THADA: variants seen among roughly 807,000 people sequenced by gnomAD.
The protein encoded by THADA is THADA armadillo repeat containing.
A neutral mutation model predicts 219.8 loss-of-function variants in THADA; 213 were observed. The ratio of observed to expected loss-of-function variants is 0.97; its 90% CI spans 0.87 to 1.09. The LOEUF (loss-of-function observed/expected upper bound fraction) is 1.09, where lower values mean the gene tolerates loss of function less well. Among genes scored for constraint, THADA ranks in the 50% least tolerant of loss-of-function variants. The probability of loss-of-function intolerance (pLI) is 0.00; values close to 1 mark genes in which losing one functional copy is unlikely to be tolerated. For missense variants in THADA, 2,956 were observed against 2,311.3 expected, an observed-to-expected ratio of 1.28 and a Z score of -5.72; for synonymous variants, 1,018 against 828.9, an observed-to-expected ratio of 1.23 and a Z score of -3.92.
chr2:43,231,516 G>T (rs1453376287), intron 37 of THADA, among the ~76,000 whole-genome samples, 173 bp from the exon 38 acceptor site: 2 of 152,146 alleles, frequency 1.3e-5, no homozygotes, highest in African/African-American at 4.8e-5. Context: ...AGCCTTGAAG[G>T]TCACCTTCTA....
At chr2:43,352,150 C>G (rs976336428) in intron 29 of THADA, among the ~76,000 whole-genome samples, 3 of 152,128 alleles carry the variant, frequency 2.0e-5, no homozygotes, top group Non-Finnish European at 2.9e-5. Flanking sequence ...TTAGGAAGAG[C>G]TGTTTATATT....
At chr2:43,236,321 G>C (rs1195675034) in intron 36 of THADA, among the ~76,000 whole-genome samples, 1 of 152,250 alleles carries the variant, frequency 6.6e-6, no homozygotes, top group Non-Finnish European at 1.5e-5. Context: ...GTTGGATTTA[G>C]ATCTCCTGCT....
intron 29 of THADA, among the ~76,000 whole-genome samples, chr2:43,396,244 A>C (rs927581580): frequency 2.0e-5 from 3 of 152,172 alleles, no homozygotes; most frequent in Admixed American, 6.5e-5. Context: ...CTCTCTTTGC[A>C]TGGGAGACTC....
At chr2:43,456,779 T>C (rs1456196479) in intron 26 of THADA, among the ~76,000 whole-genome samples, 1 of 152,064 alleles carries the variant, frequency 6.6e-6, no homozygotes, top group Non-Finnish European at 1.5e-5. Flanking sequence ...ACTTTAAAGA[T>C]GAGATGAAAG....
At chr2:43,589,858 C>T (rs947293975) in intron 4 of THADA, among the ~76,000 whole-genome samples, 3 of 150,382 alleles carry the variant, frequency 2.0e-5, no homozygotes, top group African/African-American at 4.9e-5. Flanking sequence ...AAAAAGAATT[C>T]ATAAAAAAAA....
At position 43,520,004 on chromosome 2, in the gene THADA, TA is replaced by T. The variant is rs560652119; in HGVS notation, c.3374+7874del. 2.0e-5 allele frequency among the ~76,000 whole-genome samples: 3 copies of T among 152,240 alleles called. No homozygotes were observed. In the East Asian group the frequency reaches 5.8e-4, roughly 29 times the overall value. On this transcript the variant is annotated intron_variant, in intron 22 of 37. Coordinates refer to ENST00000405975, the MANE Select transcript of THADA (RefSeq NM_022065.5). ...TTATGATAATGAAGGAATTGAGAGGTAAAAATGAAACCATGCAAGGTTCCCA... is the reference window on the plus strand; with the variant it reads ...TTATGATAATGAAGGAATTGAGAGGTAAAATGAAACCATGCAAGGTTCCCA...
At chr2:43,489,219 C>T (rs1364938123) in intron 25 of THADA, among the ~76,000 whole-genome samples, 1 of 152,022 alleles carries the variant, frequency 6.6e-6, no homozygotes, top group Admixed American at 6.6e-5. Flanking sequence ...CTTGCTCTGT[C>T]GCCCAGGATG....
intron 29 of THADA, among the ~76,000 whole-genome samples, chr2:43,373,761 A>G (rs1671064075): frequency 6.6e-6 from 1 of 152,196 alleles, no homozygotes; most frequent in South Asian, 2.1e-4. Flanking sequence ...TACAGGCATG[A>G]GCCAATGAGC....
At chr2:43,554,406 T>C (rs1384174394) in intron 17 of THADA, among the ~76,000 whole-genome samples, 1 of 152,130 alleles carries the variant, frequency 6.6e-6, no homozygotes, top group Non-Finnish European at 1.5e-5. Context: ...AATATTAGAT[T>C]TGGTAAAAAC....
At chr2:43,349,830 T>C (rs773172055) in intron 29 of THADA, among the ~76,000 whole-genome samples, 8 of 152,224 alleles carry the variant, frequency 5.3e-5, no homozygotes, top group Non-Finnish European at 8.8e-5. Context: ...AAGCAAATGC[T>C]ATGTTTTTCC....
intron 36 of THADA, among the ~76,000 whole-genome samples, chr2:43,275,052 T>G (rs1314104647): frequency 6.8e-6 from 1 of 147,368 alleles, no homozygotes; most frequent in East Asian, 2.0e-4. Flanking sequence ...TGGAGTGCAG[T>G]GGTGTGATCT....
chr2:43,335,685 G>A (rs933348982), intron 30 of THADA, among the ~76,000 whole-genome samples: 2 of 151,918 alleles, frequency 1.3e-5, no homozygotes, highest in African/African-American at 4.8e-5. Flanking sequence ...TGGGCTGAGT[G>A]TGGTGGCTCA....
At chr2:43,365,432 G>C (rs974164503) in intron 29 of THADA, among the ~76,000 whole-genome samples, 5 of 151,840 alleles carry the variant, frequency 3.3e-5, no homozygotes, top group South Asian at 4.1e-4. Flanking sequence ...TTAGCTGGGC[G>C]TGGTGGCAGG....
At chr2:43,377,828 G>A (rs903412251) in intron 29 of THADA, among the ~76,000 whole-genome samples, 10 of 152,104 alleles carry the variant, frequency 6.6e-5, no homozygotes, top group African/African-American at 2.4e-4. Flanking sequence ...GGGACTGCCA[G>A]GAAAAACTGT....
rs927263841 is a variant in THADA, at chr2:43,544,077, G to A, written c.3107-2761C>T. On this transcript the variant is annotated intron_variant, in intron 20 of 37. Transcript: ENST00000405975. ...GGTGTAAGGAAGGGATCCAGTTTCA[G>A]CTTTCTACATATGGCTAGCCTGTTT... is the stretch of plus-strand genomic sequence containing the variant. Among the ~76,000 whole-genome samples, 18 of 152,270 alleles carry A rather than the reference G, an allele frequency of 1.2e-4. No individual in the cohort carries two copies. The South Asian group carries it at 3.5e-3, about 30-fold the overall frequency.
At chr2:43,508,324 G>A (rs983580318) in intron 23 of THADA, among the ~76,000 whole-genome samples, 2 of 152,110 alleles carry the variant, frequency 1.3e-5, no homozygotes, top group East Asian at 1.9e-4. Context: ...AATACAGTGG[G>A]GTGGTGGGGT....
chr2:43,526,995 T>G (rs1299644105), intron 22 of THADA, among the ~76,000 whole-genome samples: 2 of 152,230 alleles, frequency 1.3e-5, no homozygotes, highest in Non-Finnish European at 2.9e-5. Flanking sequence ...ATCAGCAGTT[T>G]AATGTCAGGG....
At chr2:43,459,650 TA>T (rs1271440610) in intron 26 of THADA, among the ~76,000 whole-genome samples, 1 of 152,188 alleles carries the variant, frequency 6.6e-6, no homozygotes, top group Non-Finnish European at 1.5e-5. Context: ...TCTCAAAAAA[TA>T]TTTGTTGAAT....
rs1472871004 is a variant in THADA, at chr2:43,343,833, T to G, written c.4343+289A>C. On this transcript the variant is annotated intron_variant, in intron 30 of 37. Transcript: ENST00000405975. Reference sequence around the variant, plus strand: ...ATTACTGCCTTTCATTGTTATAATATCTAACACAGGACTGGGCACGCAGCA... The same window carrying G: ...ATTACTGCCTTTCATTGTTATAATAGCTAACACAGGACTGGGCACGCAGCA... The G allele has an allele frequency of 1.7e-5, 5 of 288,686 alleles. No homozygotes were observed. In the East Asian group the frequency reaches 3.8e-4, roughly 22 times the overall value. The allele number at this position is 288,686 out of a possible 1,614,324, so 17.9% of individuals were successfully genotyped here.
Sources: gnomAD v4.1 joint callset for allele counts (sites outside exome capture counted in the v4.1 genomes callset) on GRCh38, gnomAD v4.1.1 for gene constraint, MANE v1.5 for transcripts, NCBI Gene and HGNC (gene_info 2026-07-23, HGNC 2026-07-21) for gene names.